Variants in BRAP observed in about 807,000 individuals in gnomAD.
BRAP encodes the protein BRCA1-associated protein.
Under a neutral mutation model 73.4 loss-of-function variants are expected in BRAP, and 42 were observed. The ratio of observed to expected loss-of-function variants is 0.57; its 90% CI spans 0.45 to 0.74. BRAP has a LOEUF of 0.74. BRAP is among the 30% of genes least tolerant of loss of function. The pLI is 0.00. For missense variants in BRAP, 593 were observed against 751.4 expected, an observed-to-expected ratio of 0.79 and a Z score of 2.46; for synonymous variants, 255 against 267.4, an observed-to-expected ratio of 0.95 and a Z score of 0.45.
chr12:111,644,648 A>G, intron 11 of BRAP, 86 bp from the exon 12 acceptor site: 2 of 1,536,684 alleles, frequency 1.3e-6, no homozygotes, highest in South Asian at 2.5e-5. Flanking sequence ...CAGAGAAACC[A>G]TGACCTCAGA....
At position 111,659,322 on chromosome 12, in the gene BRAP, G is replaced by A. The variant is rs374220110; in HGVS notation, c.996C>T (p.Cys332=). 2.4e-5 allele frequency: 38 copies of A among 1,612,632 alleles called. No homozygotes were observed. Among genetic ancestry groups the A allele is most frequent in the South Asian group, 7.7e-5 (7 of 91,020 alleles). The change falls in exon 8 of 12, where the codon TGC becomes TGT. Residue 332 remains cysteine (C), a synonymous_variant. Coordinates refer to ENST00000419234, the MANE Select transcript of BRAP (RefSeq NM_006768.5). ...CATACCGTCCACATCCTATGTGGCC[G>A]CATATTAAACAAATCCAAAGATTCT... is the stretch of plus-strand genomic sequence containing the variant. ...VQENLWICLI[C]GHIGCGRYVS... is the part of the protein sequence containing the mutation.
At chr12:111,680,020 T>C (rs946669870) in intron 3 of BRAP, among the ~76,000 whole-genome samples, 1 of 151,118 alleles carries the variant, frequency 6.6e-6, no homozygotes, top group Non-Finnish European at 1.5e-5. Context: ...TCTTGCTGCA[T>C]GGTCTCGGCT....
chr12:111,682,503 AAAAAAAAAAAAAAAAGAAAAGAAAGAAAG>A (rs1367303999), intron 2 of BRAP, among the ~76,000 whole-genome samples: 4 of 151,178 alleles, frequency 2.6e-5, no homozygotes, highest in Non-Finnish European at 4.4e-5. Context: ...GTCTCAAAAA[AAAAAAAAAAAAAAAAGAAAAGAAAGAAAG>A]AAAAAATGAG....
At chr12:111,668,100 A>C (rs775004308) in intron 5 of BRAP, among the ~76,000 whole-genome samples, 3 of 152,098 alleles carry the variant, frequency 2.0e-5, no homozygotes, top group African/African-American at 7.2e-5. Context: ...CCAGCTACTC[A>C]GGAGGCTGAG....
chr12:111,681,876 A>G, intron 2 of BRAP, 41 bp from the exon 3 acceptor site: 1 of 1,532,660 alleles, frequency 6.5e-7, no homozygotes, highest in Non-Finnish European at 8.8e-7. Context: ...AATGGATAGG[A>G]CATATGCTGA....
chr12:111,643,977 G>A lies in BRAP; in HGVS notation c.*222C>T. On this transcript the variant is annotated 3_prime_UTR_variant, in exon 12 of 12. Transcript: ENST00000419234. ...ATGGTCATTAGAATGTGAGGTTAGTGAACTCTTAAGACCTTTTCGAACGCA... is the reference window on the plus strand; with the variant it reads ...ATGGTCATTAGAATGTGAGGTTAGTAAACTCTTAAGACCTTTTCGAACGCA... 1 of 632,562 alleles carries A rather than the reference G, an allele frequency of 1.6e-6. No homozygotes were observed. Among genetic ancestry groups the A allele is most frequent in the Non-Finnish European group, 2.5e-6 (1 of 393,518 alleles). The allele number at this position is 632,562 out of a possible 1,614,324, so 39.2% of individuals were successfully genotyped here.
At position 111,643,611 on chromosome 12, in the gene BRAP, G is replaced by A. The variant is rs902524992; in HGVS notation, c.*588C>T. On this transcript the variant is annotated 3_prime_UTR_variant, in exon 12 of 12. Transcript: ENST00000419234. Reference sequence around the variant, plus strand: ...CCAGAGCAAGAAGAGATGACTGCTGGTAAAGAGCCAGGGCCTGGTTTACTA... The same window carrying A: ...CCAGAGCAAGAAGAGATGACTGCTGATAAAGAGCCAGGGCCTGGTTTACTA... The A allele has an allele frequency of 2.0e-5, 3 of 152,198 alleles. No individual in the cohort carries two copies. The highest frequency in any genetic ancestry group is 7.2e-5 in the African/African-American group (3 of 41,434). The allele number at this position is 152,198 out of a possible 1,614,324, so 9.4% of individuals were successfully genotyped here.
At chr12:111,656,292 C>T (rs183189146) in intron 9 of BRAP, among the ~76,000 whole-genome samples, 6 of 152,200 alleles carry the variant, frequency 3.9e-5, no homozygotes, top group East Asian at 1.9e-4. Flanking sequence ...TGAGAGAAGG[C>T]GAGATTTGAG....
chr12:111,652,518 TGGCCA>T (rs1295330873), intron 10 of BRAP, among the ~76,000 whole-genome samples: 2 of 152,188 alleles, frequency 1.3e-5, no homozygotes, highest in Non-Finnish European at 2.9e-5. Flanking sequence ...CCACTGCGCC[TGGCCA>T]GAAAGGTTCT....
intron 5 of BRAP, among the ~76,000 whole-genome samples, chr12:111,671,299 C>G (rs1458948503): frequency 4.0e-5 from 6 of 151,436 alleles, no homozygotes; most frequent in African/African-American, 1.5e-4. Flanking sequence ...CTTATAATCC[C>G]AGCACTTTGG....
chr12:111,648,915 G>C (rs1290236693), intron 11 of BRAP, among the ~76,000 whole-genome samples: 1 of 151,910 alleles, frequency 6.6e-6, no homozygotes, highest in Non-Finnish European at 1.5e-5. Context: ...AACAGAGCGA[G>C]ACTCCGTTTC....
chr12:111,685,218 T>C (rs1425720707), intron 1 of BRAP, among the ~76,000 whole-genome samples: 3 of 152,220 alleles, frequency 2.0e-5, no homozygotes, highest in Non-Finnish European at 2.9e-5. Context: ...CTTAGGGCTG[T>C]TGCAAAGATA....
At position 111,650,102 on chromosome 12, in the gene BRAP, G is replaced by T; in HGVS notation, c.1312-60C>A. 3 of 1,205,690 alleles carry T rather than the reference G, an allele frequency of 2.5e-6. No individual in the cohort carries two copies. In the South Asian group the frequency reaches 4.1e-5, roughly 17 times the overall value. 74.7% of individuals were successfully genotyped at this position (1,205,690 alleles called of 1,614,324 possible). On this transcript the variant is annotated intron_variant, in intron 10 of 11. Transcript: ENST00000419234. ...AAAGGTAATGTGGTGTGCTCTTTGGGACCAACATCATATTTTTCCCCCCAA... is the reference window on the plus strand; with the variant it reads ...AAAGGTAATGTGGTGTGCTCTTTGGTACCAACATCATATTTTTCCCCCCAA...
At chr12:111,666,908 A>G (rs1886966496) in intron 5 of BRAP, among the ~76,000 whole-genome samples, 2 of 152,232 alleles carry the variant, frequency 1.3e-5, no homozygotes, top group South Asian at 2.1e-4. Flanking sequence ...AAGGATGCCC[A>G]ATTTTATCAC....
intron 11 of BRAP, among the ~76,000 whole-genome samples, chr12:111,645,551 C>T (rs1886079700): frequency 1.3e-5 from 2 of 152,108 alleles, no homozygotes. Context: ...CTTGGAGAGT[C>T]AAGTACTCTG....
intron 11 of BRAP, among the ~76,000 whole-genome samples, chr12:111,648,961 A>G (rs897699232): frequency 2.0e-5 from 3 of 152,046 alleles, no homozygotes; most frequent in African/African-American, 7.2e-5. Flanking sequence ...AGGTTGTGCC[A>G]CTGTACTCCA....
At position 111,659,295 on chromosome 12, in the gene BRAP, G is replaced by A. The variant is rs3742002; in HGVS notation, c.1023C>T (p.Val341=). The A allele has an allele frequency of 4.3e-4, 699 of 1,614,028 alleles. 4 individuals are homozygous for A. In the East Asian group the frequency reaches 9.0e-3, roughly 21 times the overall value. The part of the protein sequence containing the change: ...ICGHIGCGRY[V]SRHAYKHFEE... ...CAAAGTGCTTATAAGCATGTCGACT[G>A]ACATACCGTCCACATCCTATGTGGC... The change falls in exon 8 of 12, where the codon GTC becomes GTT. Residue 341 remains valine (V), a synonymous_variant. Coordinates refer to ENST00000419234, the MANE Select transcript of BRAP (RefSeq NM_006768.5).
At chr12:111,685,634 G>C (rs1887795238) in intron 1 of BRAP, 77 bp downstream of exon 1, 3 of 1,469,368 alleles carry the variant, frequency 2.0e-6, no homozygotes, top group African/African-American at 1.4e-5. Context: ...GGCTTTTCCC[G>C]GGCCAGTGCT....
intron 1 of BRAP, 80 bp downstream of exon 1, chr12:111,685,630 TC>T (rs1887794956): frequency 6.9e-7 from 1 of 1,459,682 alleles, no homozygotes; most frequent in Non-Finnish European, 9.0e-7. Context: ...CGCGGGCTTT[TC>T]CCGGGCCAGT....
Sources: allele counts gnomAD v4.1 joint callset (sites outside exome capture counted in the v4.1 genomes callset), GRCh38; gene constraint gnomAD v4.1.1; transcripts MANE v1.5; gene names NCBI Gene and HGNC (gene_info 2026-07-23, HGNC 2026-07-21).